The following CHCHD6 variants were observed in gnomAD, a reference collection of about 807,000 sequenced individuals.
CHCHD6 encodes MICOS complex subunit MIC25.
In CHCHD6, 28 loss-of-function variants were observed where a neutral mutation model predicts 32.3. That is an observed-to-expected ratio of 0.87 (90% CI 0.64 to 1.19). CHCHD6 has a LOEUF of 1.19. Among genes scored for constraint, CHCHD6 ranks in the 50% most tolerant of loss-of-function variants. CHCHD6 has a pLI of 0.00. For synonymous variants in CHCHD6, 122 were observed against 117.5 expected (o/e 1.04, Z -0.25); for missense variants, 333 against 307.0 (o/e 1.08, Z -0.63).
intron 5 of CHCHD6, among the ~76,000 whole-genome samples, chr3:126,864,917 TCTCCTCCACCATCACCTC>T (rs1559890634): frequency 4.4e-4 from 13 of 29,434 alleles, no homozygotes; most frequent in Non-Finnish European, 1.3e-4. Context: ...ACCATCACCT[TCTCCTCCACCATCACCTC>T]CTCCTCCACC....
intron 4 of CHCHD6, among the ~76,000 whole-genome samples, chr3:126,836,659 G>A (rs572883057): frequency 6.6e-6 from 1 of 152,322 alleles, no homozygotes; most frequent in East Asian, 1.9e-4. Flanking sequence ...GACACTGACC[G>A]GGAGAGGCAA....
chr3:126,891,489 T>C (rs1222202177), intron 5 of CHCHD6, among the ~76,000 whole-genome samples: 1 of 152,064 alleles, frequency 6.6e-6, no homozygotes, highest in Non-Finnish European at 1.5e-5. Flanking sequence ...CCCTATTAGA[T>C]AGGCCTTGGC....
intron 4 of CHCHD6, among the ~76,000 whole-genome samples, chr3:126,852,409 ATAATCAATAAATGTTATT>A (rs1553747105): frequency 6.6e-6 from 1 of 152,250 alleles, no homozygotes; most frequent in Non-Finnish European, 1.5e-5. Flanking sequence ...CAGGACTCCC[ATAATCAATAAATGTTATT>A]TATCTGTGAA....
At chr3:126,901,140 G>A (rs1223679544) in intron 5 of CHCHD6, among the ~76,000 whole-genome samples, 1 of 152,164 alleles carries the variant, frequency 6.6e-6, no homozygotes, top group African/African-American at 2.4e-5. Flanking sequence ...AGGGGCAAGT[G>A]GTGATGCATA....
intron 4 of CHCHD6, among the ~76,000 whole-genome samples, chr3:126,795,411 C>G (rs942496375): frequency 7.2e-5 from 11 of 152,010 alleles, no homozygotes; most frequent in African/African-American, 2.4e-4. Flanking sequence ...GTTCTTTTTC[C>G]TTTTTTCTTT....
intron 4 of CHCHD6, among the ~76,000 whole-genome samples, chr3:126,824,581 A>AAAAAAAAAG (rs1940306562): frequency 6.8e-6 from 1 of 147,386 alleles, no homozygotes; most frequent in Non-Finnish European, 1.5e-5. Context: ...AAAAAAAAAA[A>AAAAAAAAAG]GTCAAATGTT....
intron 4 of CHCHD6, among the ~76,000 whole-genome samples, chr3:126,848,926 G>A (rs1199336210): frequency 6.6e-6 from 1 of 152,196 alleles, no homozygotes; most frequent in Non-Finnish European, 1.5e-5. Flanking sequence ...TTCATTTGGA[G>A]TGGAAAGTTC....
chr3:126,787,499 C>G (rs965257560), intron 4 of CHCHD6, among the ~76,000 whole-genome samples: 2 of 150,674 alleles, frequency 1.3e-5, no homozygotes, highest in Admixed American at 6.7e-5. Flanking sequence ...CTTTTATTTC[C>G]TTGAGCAGTG....
chr3:126,707,453 A>G (rs1471758294), intron 1 of CHCHD6, among the ~76,000 whole-genome samples: 1 of 152,190 alleles, frequency 6.6e-6, no homozygotes, highest in African/African-American at 2.4e-5. Context: ...ATTTTGTTTT[A>G]ACCAGTACAT....
chr3:126,954,478 A>G (rs2078757108), intron 6 of CHCHD6, among the ~76,000 whole-genome samples: 1 of 152,372 alleles, frequency 6.6e-6, no homozygotes, highest in East Asian at 1.9e-4. Flanking sequence ...CATGAGGCTC[A>G]GCCACATGAC....
intron 4 of CHCHD6, among the ~76,000 whole-genome samples, chr3:126,754,438 C>T (rs1015117888): frequency 3.3e-5 from 5 of 152,196 alleles, no homozygotes; most frequent in African/African-American, 9.6e-5. Flanking sequence ...ATGTACCTAG[C>T]CCTTTGGGAT....
intron 4 of CHCHD6, among the ~76,000 whole-genome samples, chr3:126,745,070 C>G (rs1211859490): frequency 6.6e-6 from 1 of 152,194 alleles, no homozygotes; most frequent in East Asian, 1.9e-4. Context: ...GGGAGGGACA[C>G]TCTTCCCTGG....
intron 1 of CHCHD6, among the ~76,000 whole-genome samples, chr3:126,715,175 G>A (rs72976798): frequency 8.0e-4 from 121 of 152,160 alleles, no homozygotes; most frequent in African/African-American, 2.8e-3. Flanking sequence ...CTATGAAAAG[G>A]GTTACTTGTC....
intron 4 of CHCHD6, among the ~76,000 whole-genome samples, chr3:126,805,399 C>A (rs1467886416): frequency 1.3e-5 from 2 of 152,024 alleles, no homozygotes; most frequent in Non-Finnish European, 2.9e-5. Context: ...CATTCTTATA[C>A]ACCAATAACA....
At chr3:126,945,310 G>A (rs926953966) in intron 6 of CHCHD6, among the ~76,000 whole-genome samples, 1 of 152,014 alleles carries the variant, frequency 6.6e-6, no homozygotes, top group Non-Finnish European at 1.5e-5. Context: ...CCTGTGGGGG[G>A]CGCCATCCTC....
intron 1 of CHCHD6, among the ~76,000 whole-genome samples, chr3:126,708,062 A>G (rs1048013177): frequency 2.6e-5 from 4 of 152,208 alleles, no homozygotes; most frequent in East Asian, 1.9e-4. Context: ...AAAGGGTGCA[A>G]AAGCTACTGG....
chr3:126,770,403 G>A (rs764924735), intron 4 of CHCHD6, among the ~76,000 whole-genome samples: 8 of 152,216 alleles, frequency 5.3e-5, no homozygotes, highest in Non-Finnish European at 1.2e-4. Flanking sequence ...TTCTTGTGTT[G>A]TGCCAGTTTT....
At chr3:126,812,489 T>A (rs888774441) in intron 4 of CHCHD6, among the ~76,000 whole-genome samples, 1 of 152,020 alleles carries the variant, frequency 6.6e-6, no homozygotes, top group African/African-American at 2.4e-5. Flanking sequence ...AGTGGCGCGA[T>A]CTCGGCTTAC....
At position 126,722,166 on chromosome 3, in the gene CHCHD6, A is replaced by G. The variant is rs75327599; in HGVS notation, c.88-4912A>G. Among the ~76,000 whole-genome samples, 203 of 152,276 alleles carry G rather than the reference A, an allele frequency of 1.3e-3. 1 individual carries two copies. Among genetic ancestry groups the G allele is most frequent in the East Asian group, 8.1e-3 (42 of 5,180 alleles). ...ATAATTTGACTTTAAAAATTTATTTATTTATTTAGAAACAGAGCCTCACCT... is the reference window on the plus strand; with the variant it reads ...ATAATTTGACTTTAAAAATTTATTTGTTTATTTAGAAACAGAGCCTCACCT... On this transcript the variant is annotated intron_variant, in intron 1 of 7. Transcript: ENST00000290913.
Sources: allele counts gnomAD v4.1 joint callset (sites outside exome capture counted in the v4.1 genomes callset), GRCh38; gene constraint gnomAD v4.1.1; transcripts MANE v1.5; gene names NCBI Gene and HGNC (gene_info 2026-07-23, HGNC 2026-07-21).